Variants in WDR93 observed in about 807,000 individuals in gnomAD.
WDR93 encodes WD repeat-containing protein 93.
WDR93 carries 73 observed loss-of-function variants against 82.9 expected under a neutral mutation model. The observed-to-expected ratio is 0.88, with a 90% CI of 0.73 to 1.07. The LOEUF is 1.07. Ranked by LOEUF, WDR93 falls within the 50% of genes least tolerant of loss-of-function variation. The pLI is 0.00. For synonymous variants in WDR93, 283 were observed against 300.1 expected, an observed-to-expected ratio of 0.94 and a Z score of 0.59; for missense variants, 738 against 826.0, an observed-to-expected ratio of 0.89 and a Z score of 1.31.
At chr15:89,732,444 G>A (rs1966870736) in intron 12 of WDR93, among the ~76,000 whole-genome samples, 2 of 152,124 alleles carry the variant, frequency 1.3e-5, no homozygotes, top group Admixed American at 1.3e-4. Context: ...CCCACACACT[G>A]CTAAGATAAA....
intron 14 of WDR93, 60 bp downstream of exon 14, chr15:89,735,613 T>A: frequency 6.5e-7 from 1 of 1,532,140 alleles, no homozygotes; most frequent in Non-Finnish European, 9.0e-7. Context: ...TCTGTGAATG[T>A]GTTCATCTGT....
Position 89,743,375 on chromosome 15 carries a change from A to C in WDR93, c.2045A>C (p.Glu682Ala). The C allele has an allele frequency of 1.2e-6, 2 of 1,614,208 alleles. No individual in the cohort carries two copies. The highest frequency in any genetic ancestry group is 1.7e-6 in the Non-Finnish European group (2 of 1,180,036). The change falls in exon 17 of 17, where the codon GAG becomes GCG. Residue 682 changes from glutamate (E) to alanine (A), a missense_variant. Coordinates refer to ENST00000268130, the MANE Select transcript of WDR93 (RefSeq NM_020212.2). Reference sequence around the variant, plus strand: ...AGGTACTCCTTGTCGCTCCAGAGAGAGAACTTCAAGAAGTGAGGCTGCCAC... The same window carrying C: ...AGGTACTCCTTGTCGCTCCAGAGAGCGAACTTCAAGAAGTGAGGCTGCCAC... ...LQRYSLSLQR[E>A]NFKK
intron 6 of WDR93, among the ~76,000 whole-genome samples, chr15:89,715,820 G>A (rs1417243389): frequency 1.3e-5 from 2 of 152,080 alleles, no homozygotes; most frequent in Non-Finnish European, 2.9e-5. Flanking sequence ...TCCTGACCTC[G>A]TGATGTGCCC....
At chr15:89,702,512 G>T (rs1242403329) in intron 2 of WDR93, among the ~76,000 whole-genome samples, 3 of 151,166 alleles carry the variant, frequency 2.0e-5, no homozygotes, top group African/African-American at 2.4e-5. Context: ...AAGAGTTTTA[G>T]ATGAGCACTA....
At chr15:89,729,196 AGGAGGGAATGAAGAGG>A in intron 10 of WDR93, 103 bp downstream of exon 10, 1 of 1,117,694 alleles carries the variant, frequency 8.9e-7, no homozygotes, top group Non-Finnish European at 1.4e-6. Flanking sequence ...CTCGCATGGT[AGGAGGGAATGAAGAGG>A]GGAGTTTGGT....
At chr15:89,697,903 G>C (rs781425515) in intron 1 of WDR93, among the ~76,000 whole-genome samples, 9 of 143,676 alleles carry the variant, frequency 6.3e-5, no homozygotes, top group African/African-American at 2.1e-4. Flanking sequence ...TTTTTGAGAC[G>C]GAGTCTCTCT....
At chr15:89,701,164 G>A (rs1323367281) in intron 1 of WDR93, among the ~76,000 whole-genome samples, 1 of 152,074 alleles carries the variant, frequency 6.6e-6, no homozygotes, top group Admixed American at 6.6e-5. Flanking sequence ...AAACATTTCT[G>A]GAGGCTCTTG....
rs201277007 is a variant in WDR93 at position 89,737,714 on chromosome 15, T to C, written c.1750T>C (p.Cys584Arg). Residue 584 changes from cysteine to arginine, a missense_variant, in exon 15 of 17, where the codon TGT becomes CGT. By Grantham distance (180) the Cys-to-Arg change is radical. Transcript: ENST00000268130. ...GTTTGCTGTGTCTCCAGACCATCCA[T>C]GTTTCCTGCTCCGAGGTACAGAAAG... ...PVFAVSPDHP[C>R]FLLRGDYSHE... 5.6e-6 allele frequency: 9 copies of C among 1,614,080 alleles called. No individual in the cohort carries two copies. The highest frequency in any genetic ancestry group is 3.3e-4 in the Middle Eastern group (2 of 6,084).
At position 89,694,443 on chromosome 15, in the gene WDR93, C is replaced by G. The variant is rs139414308; in HGVS notation, c.-41+3586C>G. 9.6e-3 allele frequency among the ~76,000 whole-genome samples: 1,457 copies of G among 151,968 alleles called. 26 individuals are homozygous for G. Among genetic ancestry groups the G allele is most frequent in the African/African-American group, 0.034 (1,388 of 41,430 alleles). On this transcript the variant is annotated intron_variant, in intron 1 of 16. Transcript: ENST00000268130. ...GTAGACATGGGGTTTCACCATGTTA[C>G]CCAGGATGGTCTCGCTCTCCTGACC...
chr15:89,709,138 A>G (rs1475946670), intron 4 of WDR93, among the ~76,000 whole-genome samples: 2 of 152,232 alleles, frequency 1.3e-5, no homozygotes, highest in Non-Finnish European at 2.9e-5. Flanking sequence ...CCTTCTCACC[A>G]AAGACAGAGA....
intron 16 of WDR93, among the ~76,000 whole-genome samples, chr15:89,742,607 C>T (rs1335529764): frequency 6.6e-6 from 1 of 152,078 alleles, no homozygotes; most frequent in Non-Finnish European, 1.5e-5. Flanking sequence ...TATCTTGGCT[C>T]ACTGCAACCT....
At position 89,702,982 on chromosome 15, in the gene WDR93, C is replaced by A. The variant is rs16974173; in HGVS notation, c.336C>A (p.Ser112=). 3,547 of 1,614,066 alleles carry A rather than the reference C, an allele frequency of 2.2e-3. 61 individuals carry two copies. The African/African-American group carries it at 0.04, about 18-fold the overall frequency. ...AAATGCCAAATTGTATGGCTGTTTC[C>A]CAAGACTATGTGTTTATTGGAGGAG... ...LNKMPNCMAV[S]QDYVFIGGAK... Residue 112 remains serine (S), a synonymous_variant, in exon 3 of 17, where the codon TCC becomes TCA. Transcript: ENST00000268130.
intron 15 of WDR93, 91 bp downstream of exon 15, chr15:89,737,820 A>G: frequency 6.5e-7 from 1 of 1,546,876 alleles, no homozygotes; most frequent in Non-Finnish European, 8.8e-7. Context: ...TCTCCTCCCC[A>G]CTCTGTGTCC....
intron 4 of WDR93, among the ~76,000 whole-genome samples, 157 bp downstream of exon 4, chr15:89,705,775 C>T (rs560112521): frequency 1.2e-4 from 19 of 152,244 alleles, no homozygotes; most frequent in South Asian, 2.1e-4. Context: ...AAAAGATCCG[C>T]GACCATCAAA....
At chr15:89,697,663 T>C (rs1330446007) in intron 1 of WDR93, among the ~76,000 whole-genome samples, 1 of 152,182 alleles carries the variant, frequency 6.6e-6, no homozygotes, top group Non-Finnish European at 1.5e-5. Flanking sequence ...TACTTAATAG[T>C]GTTATTGAAG....
intron 1 of WDR93, among the ~76,000 whole-genome samples, chr15:89,691,518 G>A (rs1327718100): frequency 6.6e-6 from 1 of 152,164 alleles, no homozygotes; most frequent in Non-Finnish European, 1.5e-5. Flanking sequence ...AGGAGTTGGA[G>A]ACCAGCCTGG....
chr15:89,694,319 C>T (rs769141626), intron 1 of WDR93, among the ~76,000 whole-genome samples: 42 of 146,982 alleles, frequency 2.9e-4, no homozygotes, highest in Non-Finnish European at 4.0e-4. Flanking sequence ...GGCACGATCT[C>T]GGCTCACTGG....
At chr15:89,701,685 C>T in intron 1 of WDR93, 22 bp from the exon 2 acceptor site, 1 of 1,545,088 alleles carries the variant, frequency 6.5e-7, no homozygotes, top group Non-Finnish European at 8.7e-7. Context: ...TCCAGAATTC[C>T]TTTGTTTACT....
At position 89,737,083 on chromosome 15, in the gene WDR93, G is replaced by A. The variant is rs184559600; in HGVS notation, c.1609-490G>A. 7.5e-3 allele frequency among the ~76,000 whole-genome samples: 1,137 copies of A among 152,296 alleles called. 17 individuals are homozygous for A. Among genetic ancestry groups the A allele is most frequent in the African/African-American group, 0.026 (1,092 of 41,558 alleles). ...TGGGATTACAGGCATGAGCCATCGC[G>A]CCCGGCCAAAGGGGACTTTCTAAGG... is the stretch of plus-strand genomic sequence containing the variant. On this transcript the variant is annotated intron_variant, in intron 14 of 16. Transcript: ENST00000268130.
Sources: gnomAD v4.1 joint callset for allele counts (sites outside exome capture counted in the v4.1 genomes callset) on GRCh38, gnomAD v4.1.1 for gene constraint, MANE v1.5 for transcripts, NCBI Gene and HGNC (gene_info 2026-07-23, HGNC 2026-07-21) for gene names.